Variants in ATP13A2 observed in about 807,000 individuals in gnomAD.
ATP13A2 encodes polyamine-transporting ATPase 13A2.
In ATP13A2, 83 loss-of-function variants were observed where a neutral mutation model predicts 138.3. That is an observed-to-expected ratio of 0.60 (90% CI 0.50 to 0.72). ATP13A2 has a LOEUF of 0.72. ATP13A2 is among the 30% of genes least tolerant of loss of function. ATP13A2 has a pLI of 0.00. For missense variants in ATP13A2, 1,402 were observed against 1,606.4 expected, an observed-to-expected ratio of 0.87 and a Z score of 2.17; for synonymous variants, 663 against 699.0, an observed-to-expected ratio of 0.95 and a Z score of 0.81.
chr1:17,009,622 G>A (rs887818760), intron 1 of ATP13A2, among the ~76,000 whole-genome samples: 10 of 151,778 alleles, frequency 6.6e-5, no homozygotes, highest in African/African-American at 1.9e-4. Flanking sequence ...TTGAACTCCC[G>A]GCCTCATGCT....
At chr1:17,000,200 C>A in intron 10 of ATP13A2, 46 bp downstream of exon 10, 2 of 1,577,270 alleles carry the variant, frequency 1.3e-6, no homozygotes, top group Admixed American at 1.8e-5. Flanking sequence ...CCATGCCCCC[C>A]CACCCTCCCA....
intron 15 of ATP13A2, among the ~76,000 whole-genome samples, chr1:16,994,405 G>C (rs2077045023): frequency 6.6e-6 from 1 of 151,274 alleles, no homozygotes. Context: ...CCTAATTTTT[G>C]TATTTTTAGT....
rs780992643 is a variant in ATP13A2, at chr1:16,986,819, G to A, written c.3221C>T (p.Pro1074Leu). Reference sequence around the variant, plus strand: ...CGCAGTGGCACCATTGGTGTAGAGCGGCCGGCGGAAGGGCGCCCCCTTGGA... The same window carrying A: ...CGCAGTGGCACCATTGGTGTAGAGCAGCCGGCGGAAGGGCGCCCCCTTGGA... ...AVSKGAPFRRPLYTNVPFLVA... is the reference protein window; with the variant it reads ...AVSKGAPFRRLLYTNVPFLVA... The change falls in exon 27 of 29, where the codon CCG (proline) becomes CTG (leucine). Residue 1074 changes from proline (P) to leucine (L), a missense_variant. Transcript: ENST00000326735. This position sits in a 1 kb window ranked among gnomAD's most constrained non-coding sequence, Gnocchi z 6.9. 19 of 1,611,510 alleles carry A rather than the reference G, an allele frequency of 1.2e-5. 1 individual carries two copies. Among genetic ancestry groups the A allele is most frequent in the South Asian group, 5.5e-5 (5 of 90,948 alleles).
rs148336170 is a variant in ATP13A2, at chr1:16,988,291, G to A, written c.2762+31C>T. On this transcript the variant is annotated intron_variant, in intron 24 of 28. Coordinates refer to ENST00000326735, the MANE Select transcript of ATP13A2 (RefSeq NM_022089.4). ...CAGGTTGGCTGACCAGCCCTGCTGA[G>A]CCCTCACCCACCGGTCCCTGCCTGC... 2,876 of 1,614,124 alleles carry A rather than the reference G, an allele frequency of 1.8e-3. 54 individuals are homozygous for A. In the African/African-American group the frequency reaches 0.035, roughly 19 times the overall value.
At position 16,995,980 on chromosome 1, in the gene ATP13A2, T is replaced by TCG; in HGVS notation, c.1536_1537dup (p.Asp513AlafsTer12). ...CAACCCCACCTGCGGCCCCACCTTG[T>TCG]CGAAACACACCAGCTGCAGCTTGCC... On this transcript the variant is annotated frameshift_variant, in exon 15 of 29. Coordinates refer to ENST00000326735, the MANE Select transcript of ATP13A2 (RefSeq NM_022089.4). LOFTEE classifies it high-confidence loss of function. This position sits in a 1 kb window ranked among gnomAD's most constrained non-coding sequence, Gnocchi z 4.1. 2 of 1,613,940 alleles carry TCG rather than the reference T, an allele frequency of 1.2e-6. No individual in the cohort carries two copies. The highest frequency in any genetic ancestry group is 1.7e-6 in the Non-Finnish European group (2 of 1,180,014).
intron 8 of ATP13A2, 40 bp from the exon 9 acceptor site, chr1:17,000,574 C>G: frequency 6.3e-7 from 1 of 1,599,330 alleles, no homozygotes; most frequent in Non-Finnish European, 8.5e-7. Flanking sequence ...GCCGCGTCCC[C>G]CAGGGCAGCC....
rs754926284 is a variant in ATP13A2 at position 16,991,764 on chromosome 1, T to G, written c.2221A>C (p.Arg741=). 76 of 1,614,042 alleles carry G rather than the reference T, an allele frequency of 4.7e-5. No homozygotes were observed. In the South Asian group the frequency reaches 8.0e-4, roughly 17 times the overall value. ...QTTPVIQALR[R]TRIRAVMVTG... is the part of the protein sequence containing the mutation. ...ACCATGACGGCGCGGATGCGGGTCCTTCGCAGAGCCTGGATAACTGGCGTT... is the reference window on the plus strand; with the variant it reads ...ACCATGACGGCGCGGATGCGGGTCCGTCGCAGAGCCTGGATAACTGGCGTT... Residue 741 remains arginine (R), a synonymous_variant, in exon 20 of 29, where the codon AGG becomes CGG. Coordinates refer to ENST00000326735, the MANE Select transcript of ATP13A2 (RefSeq NM_022089.4).
rs1170275669 is a variant in ATP13A2, at chr1:16,995,577, A to G, written c.1542+399T>C. 2 of 335,620 alleles carry G rather than the reference A, an allele frequency of 6.0e-6. No individual in the cohort carries two copies. The highest frequency in any genetic ancestry group is 1.2e-5 in the Non-Finnish European group (2 of 170,320). 20.8% of individuals were successfully genotyped at this position (335,620 alleles called of 1,614,324 possible). A position where few individuals can be genotyped will look rare whatever the true frequency, so the allele number is the denominator to read the frequency against. On this transcript the variant is annotated intron_variant, in intron 15 of 28. Coordinates refer to ENST00000326735, the MANE Select transcript of ATP13A2 (RefSeq NM_022089.4). The surrounding 1 kb of genome is among the most constrained non-coding windows in gnomAD (Gnocchi z 4.1). ...ATTCTCCTGCCTCAGCCTCCCGAGTAGCTGGGATTACAAGCATGTGCCATC... is the reference window on the plus strand; with the variant it reads ...ATTCTCCTGCCTCAGCCTCCCGAGTGGCTGGGATTACAAGCATGTGCCATC...
intron 23 of ATP13A2, 50 bp downstream of exon 23, chr1:16,989,641 C>A: frequency 6.3e-7 from 1 of 1,586,048 alleles, no homozygotes. Context: ...GACGAACGGA[C>A]AAGCTCAGTC....
chr1:17,004,373 GCGCTGGCCCTGGAAGAGGTAATAC>G lies in ATP13A2; in HGVS notation c.492_515del (p.Tyr166_Tyr173del), dbSNP rs1178842776. 1 of 1,614,122 alleles carries G rather than the reference GCGCTGGCCCTGGAAGAGGTAATAC, an allele frequency of 6.2e-7. No individual in the cohort carries two copies. Among genetic ancestry groups the G allele is most frequent in the East Asian group, 2.2e-5 (1 of 44,874 alleles). On this transcript the variant is annotated inframe_deletion, in exon 6 of 29. Transcript: ENST00000326735. The surrounding 1 kb of genome is among the most constrained non-coding windows in gnomAD (Gnocchi z 4.1). ...CTTGCTGGGTCTCGATCCAGATATA[GCGCTGGCCCTGGAAGAGGTAATAC>G]CGCAGCACCCGCTTCTGGGTGGGAG...
intron 23 of ATP13A2, among the ~76,000 whole-genome samples, chr1:16,989,388 T>C (rs577084562): frequency 6.6e-6 from 1 of 152,250 alleles, no homozygotes; most frequent in Admixed American, 6.5e-5. Context: ...TTTTAAATTT[T>C]TAATAAGAGA....
Position 16,986,766 on chromosome 1 carries a change from C to T in ATP13A2, c.3235+39G>A, listed in dbSNP as rs2076743671. On this transcript the variant is annotated intron_variant, in intron 27 of 28. Coordinates refer to ENST00000326735, the MANE Select transcript of ATP13A2 (RefSeq NM_022089.4). This position sits in a 1 kb window ranked among gnomAD's most constrained non-coding sequence, Gnocchi z 6.9. Reference sequence around the variant, plus strand: ...CCCCAGCACCCCAGGGCTCCTCCCTCCCTCCGCCAGCATCTCCCGCCCGCG... The same window carrying T: ...CCCCAGCACCCCAGGGCTCCTCCCTTCCTCCGCCAGCATCTCCCGCCCGCG... The T allele has an allele frequency of 6.3e-7, 1 of 1,597,834 alleles. No homozygotes were observed. Among genetic ancestry groups the T allele is most frequent in the African/African-American group, 1.3e-5 (1 of 74,556 alleles).
intron 25 of ATP13A2, 138 bp downstream of exon 25, chr1:16,988,000 C>T: frequency 1.2e-6 from 1 of 849,872 alleles, no homozygotes; most frequent in South Asian, 1.4e-5. Flanking sequence ...ACCTCTCCAA[C>T]CACACAGCCG....
intron 25 of ATP13A2, 103 bp downstream of exon 25, chr1:16,988,035 G>T: frequency 2.8e-6 from 3 of 1,059,960 alleles, no homozygotes; most frequent in Non-Finnish European, 4.3e-6. Context: ...CAGGATCTGG[G>T]CCCACGTCAT....
chr1:17,000,773 A>G (rs1271902378), intron 8 of ATP13A2: 2 of 536,066 alleles, frequency 3.7e-6, no homozygotes, highest in Admixed American at 3.3e-5. Flanking sequence ...GAAACCCCAT[A>G]TCTACAAAAA....
chr1:16,986,776 G>C lies in ATP13A2; in HGVS notation c.3235+29C>G, dbSNP rs773291692. The C allele has an allele frequency of 4.4e-6, 7 of 1,605,190 alleles. No individual in the cohort carries two copies. In the South Asian group the frequency reaches 5.5e-5, roughly 13 times the overall value. On this transcript the variant is annotated intron_variant, in intron 27 of 28. Transcript: ENST00000326735. The surrounding 1 kb of genome is among the most constrained non-coding windows in gnomAD (Gnocchi z 6.9). Reference sequence around the variant, plus strand: ...CCAGGGCTCCTCCCTCCCTCCGCCAGCATCTCCCGCCCGCGCCCGCAGTGG... The same window carrying C: ...CCAGGGCTCCTCCCTCCCTCCGCCACCATCTCCCGCCCGCGCCCGCAGTGG...
intron 23 of ATP13A2, 30 bp downstream of exon 23, chr1:16,989,661 C>T: frequency 6.2e-7 from 1 of 1,611,496 alleles, no homozygotes; most frequent in Non-Finnish European, 8.5e-7. Context: ...CTCCGCAGGC[C>T]CTTGCCCACA....
At chr1:17,005,316 A>AC in intron 3 of ATP13A2, 58 bp downstream of exon 3, 1 of 1,551,810 alleles carries the variant, frequency 6.4e-7, no homozygotes, top group African/African-American at 1.4e-5. Flanking sequence ...AGCATCCTCC[A>AC]CCCCCGACCC....
chr1:16,987,341 G>GTGGGGCCTCTGCTAT, intron 25 of ATP13A2, 72 bp from the exon 26 acceptor site: 2 of 1,418,864 alleles, frequency 1.4e-6, no homozygotes, highest in Non-Finnish European at 2.0e-6. Flanking sequence ...GATAGCAGAG[G>GTGGGGCCTCTGCTAT]CCCCACCCCT....
Sources: allele counts gnomAD v4.1 joint callset (sites outside exome capture counted in the v4.1 genomes callset), GRCh38; gene constraint gnomAD v4.1.1; non-coding constraint Gnocchi (gnomAD v3.1); transcripts MANE v1.5; gene names NCBI Gene and HGNC (gene_info 2026-07-23, HGNC 2026-07-21).